Variants in CLEC5A observed in about 807,000 individuals in gnomAD.
CLEC5A encodes C-type lectin domain family 5 member A.
CLEC5A carries 15 observed loss-of-function variants against 24.4 expected under a neutral mutation model. The observed-to-expected ratio is 0.62, with a 90% CI of 0.41 to 0.95. CLEC5A has a LOEUF of 0.95. Among genes scored for constraint, CLEC5A ranks in the 40% least tolerant of loss-of-function variants. CLEC5A has a pLI of 0.00. For synonymous variants in CLEC5A, 71 were observed against 72.6 expected, an observed-to-expected ratio of 0.98 and a Z score of 0.11; for missense variants, 211 against 224.0, an observed-to-expected ratio of 0.94 and a Z score of 0.37.
In CLEC5A at chr7:141,929,501, GGGGTCTCCAAGAA is replaced by G. The variant is rs1369749716; in HGVS notation, c.*590_*602del. On this transcript the variant is annotated 3_prime_UTR_variant, in exon 7 of 7. Transcript: ENST00000546910. ...CCTTGGCTGCCTGGTTTTCTTCAAA[GGGGTCTCCAAGAA>G]GGTTCCTATCCTGCCCAGACCTCTC... is the stretch of plus-strand genomic sequence containing the variant. 1.3e-5 allele frequency: 2 copies of G among 152,376 alleles called. No individual in the cohort carries two copies. Among genetic ancestry groups the G allele is most frequent in the African/African-American group, 4.8e-5 (2 of 41,546 alleles). 9.4% of individuals were successfully genotyped at this position (152,376 alleles called of 1,614,324 possible).
intron 2 of CLEC5A, 91 bp downstream of exon 2, chr7:141,946,123 G>A: frequency 1.4e-6 from 2 of 1,395,446 alleles, no homozygotes; most frequent in Non-Finnish European, 2.0e-6. Context: ...ACTTGGATAT[G>A]TAACCTTTAC....
intron 4 of CLEC5A, among the ~76,000 whole-genome samples, chr7:141,938,675 C>T (rs1236875259): frequency 6.6e-6 from 1 of 152,128 alleles, no homozygotes; most frequent in East Asian, 1.9e-4. Flanking sequence ...AAGAAGACTA[C>T]CTTAAGGCAC....
chr7:141,936,867 A>G (rs1246583614), intron 4 of CLEC5A, among the ~76,000 whole-genome samples: 2 of 152,072 alleles, frequency 1.3e-5, no homozygotes, highest in Non-Finnish European at 2.9e-5. Context: ...AAGCCACAGT[A>G]GAATAGGGCA....
chr7:141,945,091 T>A (rs1464429560), intron 3 of CLEC5A, among the ~76,000 whole-genome samples: 2 of 152,170 alleles, frequency 1.3e-5, no homozygotes, highest in African/African-American at 4.8e-5. Context: ...TATTAAGCAC[T>A]TTCACATTCT....
rs148870460 is a variant in CLEC5A, at chr7:141,931,330, A to G, written c.452+390T>C. 6.7e-4 allele frequency among the ~76,000 whole-genome samples: 102 copies of G among 152,316 alleles called. 3 individuals are homozygous for G. Among genetic ancestry groups the G allele is most frequent in the African/African-American group, 2.3e-3 (96 of 41,572 alleles). On this transcript the variant is annotated intron_variant, in intron 6 of 6. Transcript: ENST00000546910. ...TGTCTCCTAGAGATGGCTAGCATCC[A>G]GTCTAGACTCATATCTAGTCTGTTT...
chr7:141,937,693 A>G (rs1295179898), intron 4 of CLEC5A, among the ~76,000 whole-genome samples: 2 of 152,178 alleles, frequency 1.3e-5, no homozygotes, highest in African/African-American at 2.4e-5. Context: ...AGCAGTAGCC[A>G]TGTAGTGGTT....
In CLEC5A at chr7:141,930,200, C is replaced by G. The variant is rs370443732; in HGVS notation, c.471G>C (p.Gln157His). ...VFNGNVTNQN[Q>H]NFNCATIGLT... ...GGCCAATGGTCGCACAGTTGAAATT[C>G]TGATTCTGATTGGTAACACTAAATG... The change falls in exon 7 of 7, where the codon CAG (glutamine) becomes CAC (histidine). Residue 157 changes from glutamine (Q) to histidine (H), a missense_variant. Physicochemically the swap from Gln to His is conservative, Grantham distance 24. Coordinates refer to ENST00000546910, the MANE Select transcript of CLEC5A (RefSeq NM_013252.3). 1.9e-6 allele frequency: 3 copies of G among 1,613,620 alleles called. No individual in the cohort carries two copies. Among genetic ancestry groups the G allele is most frequent in the South Asian group, 1.1e-5 (1 of 91,058 alleles).
In CLEC5A at chr7:141,944,278, A is replaced by G. The variant is rs556167958; in HGVS notation, c.140-314T>C. Among the ~76,000 whole-genome samples, 280 of 152,202 alleles carry G rather than the reference A, an allele frequency of 1.8e-3. 2 individuals are homozygous for G. Among genetic ancestry groups the G allele is most frequent in the South Asian group, 0.012 (57 of 4,820 alleles). ...TTTAGTATCAGAGAGAAACTCTCAC[A>G]CTCCTATCGTATATAAACCTTTGAC... On this transcript the variant is annotated intron_variant, in intron 3 of 6. Coordinates refer to ENST00000546910, the MANE Select transcript of CLEC5A (RefSeq NM_013252.3).
intron 3 of CLEC5A, 79 bp from the exon 4 acceptor site, chr7:141,944,043 T>C: frequency 2.4e-6 from 2 of 836,372 alleles, no homozygotes; most frequent in Non-Finnish European, 2.1e-6. Flanking sequence ...ATGGGCTGTG[T>C]GACTCTGAAT....
intron 4 of CLEC5A, 106 bp downstream of exon 4, chr7:141,943,790 T>C (rs138110885): frequency 7.3e-6 from 6 of 820,520 alleles, no homozygotes; most frequent in Non-Finnish European, 1.3e-5. Context: ...TATGGTCCCT[T>C]TGAGCAAAAA....
At chr7:141,937,176 G>T (rs1554441207) in intron 4 of CLEC5A, among the ~76,000 whole-genome samples, 1 of 151,862 alleles carries the variant, frequency 6.6e-6, no homozygotes, top group Admixed American at 6.6e-5. Context: ...GCTTTGTCTT[G>T]CACCTTATGT....
At position 141,945,370 on chromosome 7, in the gene CLEC5A, C is replaced by A; in HGVS notation, c.110G>T (p.Gly37Val). 6.2e-7 allele frequency: 1 copy of A among 1,613,244 alleles called. No individual in the cohort carries two copies. The highest frequency in any genetic ancestry group is 2.2e-5 in the East Asian group (1 of 44,856). Residue 37 changes from glycine to valine, a missense_variant, in exon 3 of 7, where the codon GGT becomes GTT. Physicochemically the swap from Gly to Val is moderately radical, Grantham distance 109. Coordinates refer to ENST00000546910, the MANE Select transcript of CLEC5A (RefSeq NM_013252.3). ...FPQIFNKSND[G>V]FTTTRSYGTV... Reference sequence around the variant, plus strand: ...TCCATAGCTCCTGGTGGTGGTGAAACCATCGTTACTTTTGTTAAAAATCTG... The same window carrying A: ...TCCATAGCTCCTGGTGGTGGTGAAAACATCGTTACTTTTGTTAAAAATCTG...
At position 141,928,665 on chromosome 7, in the gene CLEC5A, A is replaced by G. The variant is rs528496285; in HGVS notation, c.*1439T>C. On this transcript the variant is annotated 3_prime_UTR_variant, in exon 7 of 7. Coordinates refer to ENST00000546910, the MANE Select transcript of CLEC5A (RefSeq NM_013252.3). Reference sequence around the variant, plus strand: ...AAGTGGCCATGCTAAGGAGCCAAAAATGATGAAACCTAGGAATGCAGAAGC... The same window carrying G: ...AAGTGGCCATGCTAAGGAGCCAAAAGTGATGAAACCTAGGAATGCAGAAGC... 2.0e-5 allele frequency: 3 copies of G among 152,346 alleles called. No individual in the cohort carries two copies. Among genetic ancestry groups the G allele is most frequent in the South Asian group, 2.1e-4 (1 of 4,826 alleles). The allele number at this position is 152,346 out of a possible 1,614,324, so 9.4% of individuals were successfully genotyped here.
intron 5 of CLEC5A, among the ~76,000 whole-genome samples, chr7:141,933,494 G>A (rs551352697): frequency 3.4e-5 from 5 of 148,700 alleles, no homozygotes; most frequent in East Asian, 2.0e-4. Context: ...TATGATGTAA[G>A]GTACATGGAT....
intron 5 of CLEC5A, among the ~76,000 whole-genome samples, chr7:141,934,324 A>G (rs1337101614): frequency 6.6e-6 from 1 of 152,206 alleles, no homozygotes; most frequent in African/African-American, 2.4e-5. Context: ...AGAGAAAAGG[A>G]CTTGTTTAAC....
At chr7:141,931,955 T>C in intron 5 of CLEC5A, 129 bp from the exon 6 acceptor site, 1 of 540,324 alleles carries the variant, frequency 1.9e-6, no homozygotes, top group South Asian at 2.6e-5. Flanking sequence ...CAGCTATAGC[T>C]GGGACTCACA....
chr7:141,945,341 C>T lies in CLEC5A; in HGVS notation c.139G>A (p.Val47Ile), dbSNP rs782604823. 6.2e-7 allele frequency: 1 copy of T among 1,607,748 alleles called. No homozygotes were observed. Among genetic ancestry groups the T allele is most frequent in the South Asian group, 1.1e-5 (1 of 90,940 alleles). Residue 47 changes from valine to isoleucine, a missense_variant and splice_region_variant, in exon 3 of 7, where the codon GTC becomes ATC. Transcript: ENST00000546910. The part of the protein sequence containing the change: ...GFTTTRSYGT[V>I]SQIFGSSSPS... ...GAAGATTTACCACCATGCAGATTAC[C>T]TGTTCCATAGCTCCTGGTGGTGGTG...
Position 141,945,006 on chromosome 7 carries a change from T to G in CLEC5A, c.139+335A>C, listed in dbSNP as rs10255527. On this transcript the variant is annotated intron_variant, in intron 3 of 6. Transcript: ENST00000546910. ...GTGAGAGGATGTTGTTGGGAAAGGC[T>G]TCAGAAGGAAGCTGGTTTAATCGGG... Among the ~76,000 whole-genome samples, 543 of 152,286 alleles carry G rather than the reference T, an allele frequency of 3.6e-3. 3 individuals are homozygous for G. Among genetic ancestry groups the G allele is most frequent in the African/African-American group, 0.012 (513 of 41,564 alleles).
chr7:141,929,693 C>G lies in CLEC5A; in HGVS notation c.*411G>C, dbSNP rs551705899. The stretch of plus-strand genomic sequence containing the variant: ...CATGTGAATGGGGTTCCCTTGAGAA[C>G]AGAGACGAAGTCACAGGACCTATGT... On this transcript the variant is annotated 3_prime_UTR_variant, in exon 7 of 7. Transcript: ENST00000546910. 2 of 155,050 alleles carry G rather than the reference C, an allele frequency of 1.3e-5. No homozygotes were observed. The highest frequency in any genetic ancestry group is 3.8e-4 in the East Asian group (2 of 5,222). 9.6% of individuals were successfully genotyped at this position (155,050 alleles called of 1,614,324 possible).
Sources: allele counts gnomAD v4.1 joint callset (sites outside exome capture counted in the v4.1 genomes callset), GRCh38; gene constraint gnomAD v4.1.1; transcripts MANE v1.5; gene names NCBI Gene and HGNC (gene_info 2026-07-23, HGNC 2026-07-21).